CLYBL: variants seen among roughly 807,000 people sequenced by gnomAD.
CLYBL encodes the protein citramalyl-CoA lyase, mitochondrial.
A neutral mutation model predicts 38.9 loss-of-function variants in CLYBL; 31 were observed. That is an observed-to-expected ratio of 0.80 (90% confidence interval 0.60 to 1.08). CLYBL has a LOEUF of 1.08. CLYBL is among the 50% of genes least tolerant of loss of function. CLYBL has a pLI of 0.00. For missense variants in CLYBL, 434 were observed against 411.6 expected, an observed-to-expected ratio of 1.05 and a Z score of -0.47; for synonymous variants, 171 against 158.6, an observed-to-expected ratio of 1.08 and a Z score of -0.59.
At chr13:99,873,867 A>G (rs2051970015) in intron 7 of CLYBL, among the ~76,000 whole-genome samples, 2 of 152,200 alleles carry the variant, frequency 1.3e-5, no homozygotes, top group African/African-American at 4.8e-5. Flanking sequence ...TTGGTATTAC[A>G]GAATTTTGGG....
chr13:99,705,259 A>C (rs549272630), intron 1 of CLYBL, among the ~76,000 whole-genome samples: 1 of 151,972 alleles, frequency 6.6e-6, no homozygotes, highest in African/African-American at 2.4e-5. Context: ...ACACACACAC[A>C]CGCAAGAATA....
intron 1 of CLYBL, among the ~76,000 whole-genome samples, chr13:99,763,548 C>CTTTTTTTTTTT (rs59409196): frequency 1.7e-5 from 2 of 116,116 alleles, no homozygotes; most frequent in Admixed American, 9.0e-5. Context: ...TCTTTTTATT[C>CTTTTTTTTTTT]TTTTTTTTTT....
At chr13:99,681,759 G>C (rs2047737823) in intron 1 of CLYBL, among the ~76,000 whole-genome samples, 1 of 152,000 alleles carries the variant, frequency 6.6e-6, no homozygotes, top group Non-Finnish European at 1.5e-5. Flanking sequence ...GTTACTTTTT[G>C]TATTTTTAGC....
chr13:99,693,938 T>TA (rs1297370178), intron 1 of CLYBL, among the ~76,000 whole-genome samples: 1 of 152,184 alleles, frequency 6.6e-6, no homozygotes, highest in African/African-American at 2.4e-5. Context: ...CCTTTGATGT[T>TA]ACAGTACTGA....
At chr13:99,893,393 T>C (rs1272000598), downstream of CLYBL, 1 of 152,238 alleles carries the variant, frequency 6.6e-6, no homozygotes, top group East Asian at 1.9e-4. Context: ...TCTGCCCCTC[T>C]GCTCAGAACA....
intron 1 of CLYBL, among the ~76,000 whole-genome samples, chr13:99,650,838 A>G (rs1038302075): frequency 1.3e-5 from 2 of 152,190 alleles, no homozygotes; most frequent in African/African-American, 4.8e-5. Context: ...CACAAGCAGC[A>G]GTCACTCTCA....
At chr13:99,803,531 A>G (rs1248652486) in intron 2 of CLYBL, among the ~76,000 whole-genome samples, 1 of 152,258 alleles carries the variant, frequency 6.6e-6, no homozygotes, top group African/African-American at 2.4e-5. Flanking sequence ...TTGGTGTCCA[A>G]TACATTGGAT....
chr13:99,703,967 C>G (rs1270220803), intron 1 of CLYBL, among the ~76,000 whole-genome samples: 1 of 152,092 alleles, frequency 6.6e-6, no homozygotes, highest in Non-Finnish European at 1.5e-5. Context: ...AAAACCTAAG[C>G]TTATGCATGT....
At chr13:99,826,669 A>G (rs1357661631) in intron 2 of CLYBL, among the ~76,000 whole-genome samples, 1 of 152,262 alleles carries the variant, frequency 6.6e-6, no homozygotes, top group Non-Finnish European at 1.5e-5. Flanking sequence ...AAGCTTTGAT[A>G]AAACTAAGAT....
rs552516385 is a variant in CLYBL at position 99,631,040 on chromosome 13, G to A, written c.62+24283G>A. ...ACCAAAAAGATATTAATAAAAATAA[G>A]TCCAGGTGTGGTGGCTCATGCCTGT... On this transcript the variant is annotated intron_variant, in intron 1 of 8. Transcript: ENST00000339105. 9.7e-4 allele frequency among the ~76,000 whole-genome samples: 148 copies of A among 152,294 alleles called. 1 individual carries two copies. The highest frequency in any genetic ancestry group is 1.5e-3 in the Non-Finnish European group (103 of 68,028).
At chr13:99,701,896 T>G (rs2139460630) in intron 1 of CLYBL, among the ~76,000 whole-genome samples, 1 of 152,118 alleles carries the variant, frequency 6.6e-6, no homozygotes, top group Non-Finnish European at 1.5e-5. Flanking sequence ...GGTCTCAAAC[T>G]CCTGACCTCA....
intron 8 of CLYBL, among the ~76,000 whole-genome samples, chr13:99,904,078 C>A (rs1180853400): frequency 2.6e-5 from 4 of 151,928 alleles, no homozygotes; most frequent in African/African-American, 4.8e-5. Context: ...AAACCCCACA[C>A]CTTTTTAATT....
At chr13:99,856,279 C>T (rs1168361970) in intron 2 of CLYBL, among the ~76,000 whole-genome samples, 1 of 152,176 alleles carries the variant, frequency 6.6e-6, no homozygotes, top group Non-Finnish European at 1.5e-5. Context: ...TTGTTTGACA[C>T]CAGCCAACAT....
chr13:99,752,977 C>T lies in CLYBL; in HGVS notation c.63-19847C>T, dbSNP rs527508756. ...AGGGGAAGGCCTGTGAAGGGAAGGG[C>T]GGGGTTCTGGAGGACAGCATCCCAG... On this transcript the variant is annotated intron_variant, in intron 1 of 8. Transcript: ENST00000339105. Among the ~76,000 whole-genome samples, 7 of 152,078 alleles carry T rather than the reference C, an allele frequency of 4.6e-5. No individual in the cohort carries two copies. In the South Asian group the frequency reaches 6.2e-4, roughly 14 times the overall value.
In CLYBL at chr13:99,869,964, T is replaced by G. The variant is rs568691853; in HGVS notation, c.803-974T>G. On this transcript the variant is annotated intron_variant, in intron 6 of 8. Coordinates refer to ENST00000339105, the MANE Select transcript of CLYBL (RefSeq NM_206808.5). This position sits in a 1 kb window ranked among gnomAD's most constrained non-coding sequence, Gnocchi z 4.3. ...TGTTGCATTTTATTAATGATCTGAT[T>G]GGATTCTACACTTCCCTGATTGTTA... is the stretch of plus-strand genomic sequence containing the variant. Among the ~76,000 whole-genome samples, 3 of 152,160 alleles carry G rather than the reference T, an allele frequency of 2.0e-5. No homozygotes were observed. Among genetic ancestry groups the G allele is most frequent in the Non-Finnish European group, 4.4e-5 (3 of 67,984 alleles).
In CLYBL at chr13:99,761,242, A is replaced by C. The variant is rs546599016; in HGVS notation, c.63-11582A>C. Among the ~76,000 whole-genome samples, 41 of 152,296 alleles carry C rather than the reference A, an allele frequency of 2.7e-4. 1 individual carries two copies. In the South Asian group the frequency reaches 4.4e-3, roughly 16 times the overall value. On this transcript the variant is annotated intron_variant, in intron 1 of 8. Transcript: ENST00000339105. Reference sequence around the variant, plus strand: ...GTGGCGGGTGCCTGTAGTCCCAGCTACTTGGGAGGCTGAGGCAGGAGAATG... The same window carrying C: ...GTGGCGGGTGCCTGTAGTCCCAGCTCCTTGGGAGGCTGAGGCAGGAGAATG...
chr13:99,665,155 C>T (rs1012733595), intron 1 of CLYBL, among the ~76,000 whole-genome samples: 10 of 151,220 alleles, frequency 6.6e-5, no homozygotes, highest in African/African-American at 2.2e-4. Context: ...GATTAAGTGG[C>T]ATAAGTATTT....
chr13:99,722,978 G>A (rs1054976204), intron 1 of CLYBL, among the ~76,000 whole-genome samples: 2 of 152,228 alleles, frequency 1.3e-5, no homozygotes, highest in Non-Finnish European at 2.9e-5. Flanking sequence ...TACATTGTAC[G>A]TCAACTGCTG....
intron 1 of CLYBL, among the ~76,000 whole-genome samples, chr13:99,659,687 G>A (rs976564376): frequency 6.6e-6 from 1 of 152,150 alleles, no homozygotes; most frequent in East Asian, 1.9e-4. Context: ...AATGCATGCC[G>A]TTGAAACTTA....
Sources: gnomAD v4.1 joint callset for allele counts (sites outside exome capture counted in the v4.1 genomes callset) on GRCh38, gnomAD v4.1.1 for gene constraint, Gnocchi (gnomAD v3.1) non-coding constraint, MANE v1.5 for transcripts, NCBI Gene and HGNC (gene_info 2026-07-23, HGNC 2026-07-21) for gene names.